The following PPA2 variants were observed in gnomAD, a reference collection of about 807,000 sequenced individuals.
The protein encoded by PPA2 is inorganic pyrophosphatase 2.
Under a neutral mutation model 49.5 loss-of-function variants are expected in PPA2, and 48 were observed. The observed-to-expected ratio is 0.97, with a 90% CI of 0.77 to 1.23. The LOEUF is 1.23. Ranked by LOEUF, PPA2 falls within the 50% of genes most tolerant of loss-of-function variation. The pLI, the probability that PPA2 is intolerant of heterozygous loss-of-function variation, is 0.00. For synonymous variants in PPA2, 131 were observed against 139.9 expected, an observed-to-expected ratio of 0.94 and a Z score of 0.45; for missense variants, 429 against 410.1, an observed-to-expected ratio of 1.05 and a Z score of -0.40.
At chr4:105,375,267 C>T (rs768646574) in intron 10 of PPA2, among the ~76,000 whole-genome samples, 24 of 151,598 alleles carry the variant, frequency 1.6e-4, no homozygotes, top group Non-Finnish European at 3.1e-4. Flanking sequence ...GGTGGTAATG[C>T]ACAGCAAAGC....
At chr4:105,403,556 T>C (rs1323157209) in intron 7 of PPA2, among the ~76,000 whole-genome samples, 1 of 152,162 alleles carries the variant, frequency 6.6e-6, no homozygotes, top group Non-Finnish European at 1.5e-5. Flanking sequence ...TGTAAATTTC[T>C]CTCTAAAATT....
At chr4:105,440,074 C>T (rs1476128243) in intron 5 of PPA2, among the ~76,000 whole-genome samples, 1 of 151,984 alleles carries the variant, frequency 6.6e-6, no homozygotes, top group African/African-American at 2.4e-5. Context: ...TTCCTCCTTG[C>T]TAATGCAGAA....
intron 6 of PPA2, among the ~76,000 whole-genome samples, chr4:105,432,426 CAA>C (rs1288573071): frequency 1.3e-5 from 2 of 152,228 alleles, no homozygotes; most frequent in East Asian, 1.9e-4. Flanking sequence ...TGATTTAAAT[CAA>C]GACTTTAATC....
At chr4:105,454,302 CTGTTGT>C (rs111229489) in intron 2 of PPA2, among the ~76,000 whole-genome samples, 69,496 of 146,182 alleles carry the variant, frequency 0.48, 16,144 homozygotes, top group Middle Eastern at 0.5. Flanking sequence ...TTTGCTGCTG[CTGTTGT>C]TGTTGTTGTT....
At chr4:105,411,033 T>C (rs575658826) in intron 7 of PPA2, among the ~76,000 whole-genome samples, 3 of 152,258 alleles carry the variant, frequency 2.0e-5, no homozygotes, top group Non-Finnish European at 4.4e-5. Flanking sequence ...CAGCTAACAT[T>C]ATAACGACAG....
At chr4:105,464,074 C>T (rs1723202397) in intron 1 of PPA2, among the ~76,000 whole-genome samples, 1 of 152,134 alleles carries the variant, frequency 6.6e-6, no homozygotes. Flanking sequence ...CACCATGCAC[C>T]CAGAAAAGCC....
At chr4:105,472,514 A>T (rs1334292819) in intron 1 of PPA2, among the ~76,000 whole-genome samples, 1 of 152,232 alleles carries the variant, frequency 6.6e-6, no homozygotes, top group Admixed American at 6.5e-5. Flanking sequence ...CTGCTTAAAA[A>T]GCGAACTGCC....
At chr4:105,394,373 CAAAAAAAAAAAAA>C (rs34736301) in intron 9 of PPA2, among the ~76,000 whole-genome samples, 1 of 96,918 alleles carries the variant, frequency 1.0e-5, no homozygotes. Flanking sequence ...GATTCCATTT[CAAAAAAAAAAAAA>C]AAAAGAAAGA....
chr4:105,461,265 G>C (rs1260850821), intron 1 of PPA2, among the ~76,000 whole-genome samples: 1 of 152,182 alleles, frequency 6.6e-6, no homozygotes, highest in East Asian at 1.9e-4. Context: ...GCTTCTCCAC[G>C]GGACCCATGT....
chr4:105,392,655 A>G (rs1290315273), intron 9 of PPA2, among the ~76,000 whole-genome samples: 1 of 151,744 alleles, frequency 6.6e-6, no homozygotes, highest in East Asian at 1.9e-4. Flanking sequence ...CCTGGGTGAC[A>G]GAGTGAGACT....
intron 2 of PPA2, among the ~76,000 whole-genome samples, chr4:105,455,523 A>G (rs1722842242): frequency 6.6e-6 from 1 of 152,192 alleles, no homozygotes; most frequent in Non-Finnish European, 1.5e-5. Flanking sequence ...TGGACAAGGT[A>G]CTTAGCCTCG....
In PPA2 at chr4:105,461,694, T is replaced by C. The variant is rs796185354; in HGVS notation, c.158-4949A>G. Among the ~76,000 whole-genome samples, 10 of 152,344 alleles carry C rather than the reference T, an allele frequency of 6.6e-5. 1 individual carries two copies. Among genetic ancestry groups the C allele is most frequent in the African/African-American group, 2.4e-4 (10 of 41,574 alleles). ...GAGGGGCTCAGAATTTTAGTTTATT[T>C]CTCAACAGTCACTCAATTTCTCTGA... On this transcript the variant is annotated intron_variant, in intron 1 of 11. Coordinates refer to ENST00000341695, the MANE Select transcript of PPA2 (RefSeq NM_176869.3).
At chr4:105,436,482 T>C (rs1724062718) in intron 6 of PPA2, among the ~76,000 whole-genome samples, 1 of 152,056 alleles carries the variant, frequency 6.6e-6, no homozygotes, top group African/African-American at 2.4e-5. Flanking sequence ...AATGTTTATA[T>C]GGAACCAAAC....
At position 105,397,556 on chromosome 4, in the gene PPA2, A is replaced by G. The variant is rs530105935; in HGVS notation, c.784-1222T>C. Among the ~76,000 whole-genome samples the G allele has an allele frequency of 1.8e-4, 27 of 152,270 alleles. No individual in the cohort carries two copies. In the South Asian group the frequency reaches 5.0e-3, roughly 28 times the overall value. On this transcript the variant is annotated intron_variant, in intron 8 of 11. Transcript: ENST00000341695. The stretch of plus-strand genomic sequence containing the variant: ...ATCAATTCTTGAGTTATACCCTGCT[A>G]TGGTTTGAGGGGATTTGTCCTCTCA...
chr4:105,449,129 A>C (rs2110305088), intron 4 of PPA2, among the ~76,000 whole-genome samples: 1 of 127,202 alleles, frequency 7.9e-6, no homozygotes, highest in Non-Finnish European at 1.6e-5. Context: ...AGGCAGGAGA[A>C]TGGCGTGAAC....
chr4:105,437,103 A>T (rs890015244), intron 6 of PPA2, among the ~76,000 whole-genome samples: 1 of 152,148 alleles, frequency 6.6e-6, no homozygotes, highest in Non-Finnish European at 1.5e-5. Context: ...ACAACTCAAC[A>T]AGAAAAACAT....
At chr4:105,404,877 C>T (rs537090768) in intron 7 of PPA2, among the ~76,000 whole-genome samples, 11 of 152,106 alleles carry the variant, frequency 7.2e-5, no homozygotes, top group African/African-American at 2.2e-4. Context: ...GTCAGGAGAT[C>T]GAGACCATCC....
intron 10 of PPA2, among the ~76,000 whole-genome samples, chr4:105,379,363 A>G (rs1287086449): frequency 6.6e-6 from 1 of 151,916 alleles, no homozygotes; most frequent in Non-Finnish European, 1.5e-5. Flanking sequence ...AGATGTATAT[A>G]TATCTATATA....
At chr4:105,371,994 C>T (rs1733043256) in intron 10 of PPA2, among the ~76,000 whole-genome samples, 1 of 152,154 alleles carries the variant, frequency 6.6e-6, no homozygotes, top group Non-Finnish European at 1.5e-5. Flanking sequence ...CATATCTAGG[C>T]ACCTTTTACC....
Sources: allele counts gnomAD v4.1 joint callset (sites outside exome capture counted in the v4.1 genomes callset), GRCh38; gene constraint gnomAD v4.1.1; transcripts MANE v1.5; gene names NCBI Gene and HGNC (gene_info 2026-07-23, HGNC 2026-07-21).